Variants in KCNJ3 observed in about 807,000 individuals in gnomAD.
KCNJ3 encodes the protein G protein-activated inward rectifier potassium channel 1.
In KCNJ3, 4 loss-of-function variants were observed where a neutral mutation model predicts 39.2. The ratio of observed to expected loss-of-function variants is 0.10; its 90% CI spans 0.05 to 0.23. The LOEUF (loss-of-function observed/expected upper bound fraction) is 0.23, where lower values mean the gene tolerates loss of function less well. Ranked by LOEUF, KCNJ3 falls within the 10% of genes least tolerant of loss-of-function variation. The pLI, the probability that KCNJ3 is intolerant of heterozygous loss-of-function variation, is 1.00. For synonymous variants in KCNJ3, 230 were observed against 237.4 expected (o/e 0.97, Z 0.29); for missense variants, 276 against 634.9 (o/e 0.43, Z 6.08).
Position 154,855,237 on chromosome 2 carries a change from T to C in KCNJ3, c.1430T>C (p.Met477Thr). 1 of 1,613,804 alleles carries C rather than the reference T, an allele frequency of 6.2e-7. No individual in the cohort carries two copies. ...GATTTGCCACCAAAGCTTCAAAAGA[T>C]GGCTGGAGGAGCAGCTAGGATGGAA... ...VADLPPKLQK[M>T]AGGAARMEGN... The change falls in exon 3 of 3, where the codon ATG becomes ACG. Residue 477 changes from methionine to threonine, a missense_variant. Met to Thr is a moderately conservative substitution (Grantham distance 81). Transcript: ENST00000295101.
chr2:154,848,851 C>T (rs1331658471), intron 2 of KCNJ3, among the ~76,000 whole-genome samples: 3 of 152,122 alleles, frequency 2.0e-5, no homozygotes, highest in Admixed American at 6.6e-5. Flanking sequence ...TGGTGTTCAT[C>T]CCTGAAGAAA....
At position 154,711,219 on chromosome 2, in the gene KCNJ3, A is replaced by G. The variant is rs16838027; in HGVS notation, c.919+1400A>G. Among the ~76,000 whole-genome samples, 1,388 of 152,234 alleles carry G rather than the reference A, an allele frequency of 9.1e-3. 19 individuals are homozygous for G. Among genetic ancestry groups the G allele is most frequent in the African/African-American group, 0.03 (1,252 of 41,566 alleles). On this transcript the variant is annotated intron_variant, in intron 2 of 2. Coordinates refer to ENST00000295101, the MANE Select transcript of KCNJ3 (RefSeq NM_002239.4). Reference sequence around the variant, plus strand: ...AAAATACCATATATTGATAAAAAGTATAACCAATATATAAAGGCTCGTAGT... The same window carrying G: ...AAAATACCATATATTGATAAAAAGTGTAACCAATATATAAAGGCTCGTAGT...
In KCNJ3 at chr2:154,855,301, T is replaced by C. The variant is rs80085601; in HGVS notation, c.1494T>C (p.Asp498=). 6,505 of 1,600,582 alleles carry C rather than the reference T, an allele frequency of 4.1e-3. 23 individuals are homozygous for C. Among genetic ancestry groups the C allele is most frequent in the Non-Finnish European group, 4.9e-3 (5,784 of 1,173,862 alleles). The change falls in exon 3 of 3, where the codon GAT becomes GAC. Residue 498 remains aspartate (D), a synonymous_variant. Coordinates refer to ENST00000295101, the MANE Select transcript of KCNJ3 (RefSeq NM_002239.4). ...CCAAATTAAGAAAAATGAACTCTGA[T>C]CGCTTCACATAACAAAGCACTCCCT... The part of the protein sequence containing the change: ...LPAKLRKMNS[D]RFT
At chr2:154,729,870 C>A (rs1015280101) in intron 2 of KCNJ3, among the ~76,000 whole-genome samples, 4 of 152,026 alleles carry the variant, frequency 2.6e-5, no homozygotes, top group African/African-American at 9.7e-5. Flanking sequence ...AAAACCCAAC[C>A]AACCATGGCT....
At chr2:154,719,120 G>A (rs1685227134) in intron 2 of KCNJ3, among the ~76,000 whole-genome samples, 1 of 152,032 alleles carries the variant, frequency 6.6e-6, no homozygotes, top group Admixed American at 6.6e-5. Flanking sequence ...GCTGACTTGT[G>A]TGCCCTCACC....
intron 2 of KCNJ3, among the ~76,000 whole-genome samples, chr2:154,757,001 A>G (rs1247647121): frequency 1.3e-5 from 2 of 152,072 alleles, no homozygotes; most frequent in African/African-American, 4.8e-5. Flanking sequence ...TCCAAGAAAA[A>G]TGTATAAAAT....
chr2:154,757,324 T>G (rs1685958749), intron 2 of KCNJ3, among the ~76,000 whole-genome samples: 1 of 152,112 alleles, frequency 6.6e-6, no homozygotes, highest in Non-Finnish European at 1.5e-5. Flanking sequence ...TAAATATTTT[T>G]GGGAAGAAAG....
intron 1 of KCNJ3, among the ~76,000 whole-genome samples, chr2:154,708,094 G>T (rs1232196659): frequency 6.6e-6 from 1 of 152,000 alleles, no homozygotes; most frequent in Non-Finnish European, 1.5e-5. Context: ...TTATTTGTTT[G>T]TCAGTAATCA....
Position 154,818,899 on chromosome 2 carries a change from G to A in KCNJ3, c.920-35828G>A, listed in dbSNP as rs1223389831. On this transcript the variant is annotated intron_variant, in intron 2 of 2. Transcript: ENST00000295101. ...ACATAATAGAAATCCAATAGAGCTT[G>A]AGCTGTAGCTGCAAAAGCCTTTTTT... Among the ~76,000 whole-genome samples, 3 of 129,470 alleles carry A rather than the reference G, an allele frequency of 2.3e-5. No individual in the cohort carries two copies. In the East Asian group the frequency reaches 7.8e-4, roughly 34 times the overall value. 84.9% of individuals were successfully genotyped at this position (129,470 alleles called of 152,430 possible). A position where few individuals can be genotyped will look rare whatever the true frequency, so the allele number is the denominator to read the frequency against.
At chr2:154,727,489 G>A (rs890506246) in intron 2 of KCNJ3, among the ~76,000 whole-genome samples, 2 of 151,288 alleles carry the variant, frequency 1.3e-5, no homozygotes, top group Admixed American at 6.6e-5. Context: ...CTACTCAGGA[G>A]GCTGAGGCAG....
chr2:154,852,950 C>A (rs911862380), intron 2 of KCNJ3, among the ~76,000 whole-genome samples: 1 of 151,556 alleles, frequency 6.6e-6, no homozygotes, highest in Admixed American at 6.6e-5. Flanking sequence ...AGAGACATTA[C>A]GGCAAAGTAA....
intron 2 of KCNJ3, among the ~76,000 whole-genome samples, chr2:154,827,199 CTT>C (rs1687285658): frequency 1.3e-5 from 2 of 151,988 alleles, no homozygotes; most frequent in African/African-American, 2.4e-5. Flanking sequence ...TTTTAATTGA[CTT>C]ATATCTTTTT....
intron 2 of KCNJ3, among the ~76,000 whole-genome samples, chr2:154,753,992 T>A (rs1337027573): frequency 6.6e-6 from 1 of 152,152 alleles, no homozygotes; most frequent in Admixed American, 6.5e-5. Context: ...ACTCCATAAT[T>A]TTTTACTATG....
chr2:154,804,270 G>A (rs963544400), intron 2 of KCNJ3, among the ~76,000 whole-genome samples: 3 of 152,124 alleles, frequency 2.0e-5, no homozygotes, highest in Admixed American at 2.0e-4. Context: ...AGGTGCAGGT[G>A]TACAAAATGT....
chr2:154,766,775 C>T (rs1246225472), intron 2 of KCNJ3, among the ~76,000 whole-genome samples: 1 of 152,036 alleles, frequency 6.6e-6, no homozygotes, highest in Non-Finnish European at 1.5e-5. Flanking sequence ...AGGCTGGTCT[C>T]GAACTCCTGA....
chr2:154,717,578 AG>A (rs1685202047), intron 2 of KCNJ3, among the ~76,000 whole-genome samples: 1 of 152,194 alleles, frequency 6.6e-6, no homozygotes, highest in Admixed American at 6.5e-5. Context: ...AAAATGGCCC[AG>A]GATTCTTCCT....
intron 2 of KCNJ3, among the ~76,000 whole-genome samples, chr2:154,762,557 C>G (rs913906561): frequency 6.6e-6 from 1 of 152,130 alleles, no homozygotes; most frequent in African/African-American, 2.4e-5. Context: ...AGAAGTGTTC[C>G]CAGCAAAGCC....
chr2:154,770,853 TAGAC>T lies in KCNJ3; in HGVS notation c.919+61037_919+61040del, dbSNP rs1167842756. On this transcript the variant is annotated intron_variant, in intron 2 of 2. Coordinates refer to ENST00000295101, the MANE Select transcript of KCNJ3 (RefSeq NM_002239.4). ...TGTGAAAATATTAAATTTATTTTCATAGACAGTAAGTCTCAAGATTTTTTTCTTT... is the reference window on the plus strand; with the variant it reads ...TGTGAAAATATTAAATTTATTTTCATAGTAAGTCTCAAGATTTTTTTCTTT... 2.6e-5 allele frequency among the ~76,000 whole-genome samples: 4 copies of T among 151,872 alleles called. No homozygotes were observed. In the East Asian group the frequency reaches 5.8e-4, roughly 22 times the overall value.
chr2:154,708,501 G>C (rs1685051015), intron 1 of KCNJ3, among the ~76,000 whole-genome samples: 1 of 152,102 alleles, frequency 6.6e-6, no homozygotes, highest in Non-Finnish European at 1.5e-5. Context: ...CATGGAATCT[G>C]TTAGAATACA....
Sources: allele counts gnomAD v4.1 joint callset (sites outside exome capture counted in the v4.1 genomes callset), GRCh38; gene constraint gnomAD v4.1.1; transcripts MANE v1.5; gene names NCBI Gene and HGNC (gene_info 2026-07-23, HGNC 2026-07-21).